CEP83: variants seen among roughly 807,000 people sequenced by gnomAD.
CEP83 encodes centrosomal protein of 83 kDa.
In CEP83, 70 loss-of-function variants were observed where a neutral mutation model predicts 101.9. The observed-to-expected ratio is 0.69, with a 90% CI of 0.57 to 0.84. The LOEUF is 0.84. Ranked by LOEUF, CEP83 falls within the 40% of genes least tolerant of loss-of-function variation. The pLI is 0.00. For missense variants in CEP83, 715 were observed against 787.2 expected, an observed-to-expected ratio of 0.91 and a Z score of 1.10; for synonymous variants, 264 against 267.9, an observed-to-expected ratio of 0.99 and a Z score of 0.14.
chr12:94,439,195 CACA>C (rs1423755186), intron 1 of CEP83, among the ~76,000 whole-genome samples: 9 of 151,958 alleles, frequency 5.9e-5, no homozygotes, highest in South Asian at 2.1e-4. Flanking sequence ...GAAATTGAAA[CACA>C]ACAACAAGAA....
intron 8 of CEP83, 127 bp from the exon 9 acceptor site, chr12:94,370,163 GA>G (rs1265654837): frequency 1.6e-6 from 1 of 608,656 alleles, no homozygotes; most frequent in East Asian, 2.7e-5. Flanking sequence ...CTTCCAAGAA[GA>G]AAGAAGTGTC....
At chr12:94,440,823 A>G (rs1278257803) in intron 1 of CEP83, among the ~76,000 whole-genome samples, 1 of 152,220 alleles carries the variant, frequency 6.6e-6, no homozygotes, top group Admixed American at 6.5e-5. Context: ...GTACTGGCAT[A>G]AAAACAGGCA....
chr12:94,344,120 G>GT (rs1196393102), intron 11 of CEP83, among the ~76,000 whole-genome samples: 2 of 152,306 alleles, frequency 1.3e-5, no homozygotes, highest in East Asian at 3.9e-4. Context: ...CTCCAAAACT[G>GT]TAAGAAAATT....
chr12:94,413,562 C>G (rs1285116130), intron 2 of CEP83, among the ~76,000 whole-genome samples: 1 of 152,144 alleles, frequency 6.6e-6, no homozygotes, highest in Non-Finnish European at 1.5e-5. Context: ...TTACTTGACA[C>G]AAGGCAAGCT....
intron 14 of CEP83, among the ~76,000 whole-genome samples, chr12:94,327,402 C>T (rs1024934725): frequency 2.6e-5 from 4 of 152,156 alleles, no homozygotes; most frequent in Non-Finnish European, 4.4e-5. Context: ...CCTAGCTCCT[C>T]GTTCTAAGTA....
chr12:94,331,021 T>A (rs2059175217), intron 14 of CEP83, among the ~76,000 whole-genome samples: 1 of 152,100 alleles, frequency 6.6e-6, no homozygotes, highest in Non-Finnish European at 1.5e-5. Context: ...ATGGACGCGG[T>A]AGCTCACACC....
At chr12:94,410,209 C>T (rs906661394) in intron 4 of CEP83, among the ~76,000 whole-genome samples, 1 of 152,098 alleles carries the variant, frequency 6.6e-6, no homozygotes, top group Non-Finnish European at 1.5e-5. Context: ...TGAAGACACA[C>T]TGAAAAAAAG....
the CEP83 span, among the ~76,000 whole-genome samples, chr12:94,266,458 G>T: frequency 6.6e-6 from 1 of 152,192 alleles, no homozygotes; most frequent in Non-Finnish European, 1.5e-5. Flanking sequence ...TAGCAGAATC[G>T]CCCAGAAAGC....
chr12:94,266,607 A>C, the CEP83 span, among the ~76,000 whole-genome samples: 1 of 152,296 alleles, frequency 6.6e-6, no homozygotes, highest in Non-Finnish European at 1.5e-5. Flanking sequence ...AGTGGTTAAC[A>C]GCATGGACTC....
chr12:94,437,461 A>G (rs1397038033), intron 1 of CEP83, among the ~76,000 whole-genome samples: 1 of 152,218 alleles, frequency 6.6e-6, no homozygotes, highest in Admixed American at 6.5e-5. Context: ...AGACAAAGAA[A>G]AGAATCTTAA....
the CEP83 span, among the ~76,000 whole-genome samples, chr12:94,284,087 GA>G: frequency 0.045 from 3,689 of 82,694 alleles, 62 homozygotes; most frequent in African/African-American, 0.099. Context: ...CATGTCAGGG[GA>G]AAAAAAAAAA....
At chr12:94,450,896 A>G (rs2067202807) in intron 1 of CEP83, among the ~76,000 whole-genome samples, 1 of 152,234 alleles carries the variant, frequency 6.6e-6, no homozygotes, top group Non-Finnish European at 1.5e-5. Flanking sequence ...CATAGAACCA[A>G]TTTTGAAAAA....
chr12:94,409,599 C>G (rs1202395047), intron 4 of CEP83, among the ~76,000 whole-genome samples: 1 of 152,162 alleles, frequency 6.6e-6, no homozygotes, highest in East Asian at 1.9e-4. Context: ...CTGCTTTGGA[C>G]AGTGTATTCG....
chr12:94,406,412 A>G (rs2063536183), intron 4 of CEP83, among the ~76,000 whole-genome samples: 1 of 152,010 alleles, frequency 6.6e-6, no homozygotes, highest in Admixed American at 6.5e-5. Flanking sequence ...CACAGTATCT[A>G]ACATCCAATA....
chr12:94,376,543 A>G (rs939332332), intron 7 of CEP83, among the ~76,000 whole-genome samples: 5 of 152,072 alleles, frequency 3.3e-5, no homozygotes, highest in African/African-American at 1.2e-4. Context: ...TCTTGATCTC[A>G]TGACACAATT....
chr12:94,406,486 T>TGTGC (rs1566111153), intron 4 of CEP83, among the ~76,000 whole-genome samples: 3 of 151,398 alleles, frequency 2.0e-5, no homozygotes, highest in Non-Finnish European at 4.4e-5. Context: ...AGTGTGTGTG[T>TGTGC]GTGTGGTGGG....
chr12:94,403,233 T>G lies in CEP83; in HGVS notation c.354A>C (p.Leu118=), dbSNP rs1243283999. ...CTAATTCTTGTTGTATTTGGGCTCT[T>G]AGCAATTCCAATTTTTGTGGAGTTA... is the stretch of plus-strand genomic sequence containing the variant. The part of the protein sequence containing the change: ...QILTPQKLEL[L]RAQIQQELET... Residue 118 remains leucine (L), a synonymous_variant, in exon 5 of 17, where the codon CTA becomes CTC. Transcript: ENST00000397809. 11 of 1,572,244 alleles carry G rather than the reference T, an allele frequency of 7.0e-6. No homozygotes were observed. Among genetic ancestry groups the G allele is most frequent in the Non-Finnish European group, 9.6e-6 (11 of 1,143,460 alleles).
chr12:94,412,371 T>C lies in CEP83; in HGVS notation c.120A>G (p.Leu40=), dbSNP rs746359176. The C allele has an allele frequency of 1.1e-5, 17 of 1,613,378 alleles. No individual in the cohort carries two copies. Among genetic ancestry groups the C allele is most frequent in the Middle Eastern group, 1.7e-4 (1 of 6,054 alleles). ...AATTAGCTTTATGATGCTCACATCG[T>C]AACCTTTCATCAATTAACATTTTCT... is the stretch of plus-strand genomic sequence containing the variant. ...EFQKMLIDER[L]RCEHHKANYQ... Residue 40 remains leucine, a synonymous_variant, in exon 3 of 17, where the codon TTA becomes TTG. Transcript: ENST00000397809.
At chr12:94,345,463 C>T (rs370754544) in intron 11 of CEP83, among the ~76,000 whole-genome samples, 18 of 152,164 alleles carry the variant, frequency 1.2e-4, no homozygotes, top group African/African-American at 3.4e-4. Context: ...GTGATAAAGG[C>T]GAAAGACAGT....
Sources: gnomAD v4.1 joint callset for allele counts (sites outside exome capture counted in the v4.1 genomes callset) on GRCh38, gnomAD v4.1.1 for gene constraint, MANE v1.5 for transcripts, NCBI Gene and HGNC (gene_info 2026-07-23, HGNC 2026-07-21) for gene names.